Variants in COL4A6 observed in about 807,000 individuals in gnomAD.
The protein encoded by COL4A6 is collagen type IV alpha 6 chain, also known as collagen alpha-6(IV) chain.
Under a neutral mutation model 126.7 loss-of-function variants are expected in COL4A6, and 59 were observed. The ratio of observed to expected loss-of-function variants is 0.47; its 90% CI spans 0.38 to 0.58. The LOEUF is 0.58. COL4A6 is among the 20% of genes least tolerant of loss of function. The probability of loss-of-function intolerance (pLI) is 0.00; values close to 1 mark genes in which losing one functional copy is unlikely to be tolerated. For synonymous variants in COL4A6, 547 were observed against 496.6 expected (o/e 1.10, Z -1.35); for missense variants, 1,285 against 1,337.3 (o/e 0.96, Z 0.61).
chrX:108,402,189 T>A (rs1456493301), intron 2 of COL4A6, among the ~76,000 whole-genome samples: 1 of 111,489 alleles, frequency 9.0e-6, no homozygotes, highest in Non-Finnish European at 1.9e-5. Flanking sequence ...AAGACTGAGA[T>A]AATCTGTTTC....
At chrX:108,279,012 C>T (rs1411115936) in intron 3 of COL4A6, among the ~76,000 whole-genome samples, 29 of 112,012 alleles carry the variant, frequency 2.6e-4, no homozygotes, top group Middle Eastern at 4.6e-3. Context: ...CGGAAAGGAA[C>T]AACCGGTACC....
Position 108,334,625 on chromosome X carries a change from C to T in COL4A6, c.64-23797G>A, listed in dbSNP as rs760951480. ...ATTATTATAATAAATGGCTGAGTGA[C>T]CTTGGACAACTCACTTTACCTTTCT... On this transcript the variant is annotated intron_variant, in intron 2 of 44. Transcript: ENST00000334504. Among the ~76,000 whole-genome samples the T allele has an allele frequency of 9.9e-5, 11 of 111,266 alleles. No individual in the cohort carries two copies. In the South Asian group the frequency reaches 4.1e-3, roughly 42 times the overall value.
chrX:108,343,354 T>C (rs1029857904), intron 2 of COL4A6, among the ~76,000 whole-genome samples: 7 of 109,020 alleles, frequency 6.4e-5, no homozygotes, highest in Admixed American at 3.0e-4. Context: ...CCGAGATGTA[T>C]AGACAATGAT....
At chrX:108,170,939 T>G in intron 33 of COL4A6, 22 bp from the exon 34 acceptor site, 1 of 1,150,976 alleles carries the variant, frequency 8.7e-7, no homozygotes, top group Non-Finnish European at 1.2e-6. Flanking sequence ...AGAAAAATGC[T>G]GAGTGATTAG....
At chrX:108,319,104 C>A (rs1801424979) in intron 2 of COL4A6, among the ~76,000 whole-genome samples, 1 of 106,052 alleles carries the variant, frequency 9.4e-6, no homozygotes, top group Non-Finnish European at 1.9e-5. Flanking sequence ...GGTGTGGTGG[C>A]TTGTGTCTGT....
chrX:108,281,094 A>T (rs1205348746), intron 3 of COL4A6, among the ~76,000 whole-genome samples: 3 of 98,155 alleles, frequency 3.1e-5, no homozygotes, highest in Non-Finnish European at 6.2e-5. Flanking sequence ...CAAGACAGGG[A>T]TGCCCTCTCT....
chrX:108,401,264 T>C (rs2041082159), intron 2 of COL4A6, among the ~76,000 whole-genome samples: 1 of 110,767 alleles, frequency 9.0e-6, no homozygotes, highest in South Asian at 3.7e-4. Flanking sequence ...CTAAGGAAAA[T>C]AAGTAAGTAT....
At position 108,177,024 on chromosome X, in the gene COL4A6, A is replaced by G; in HGVS notation, c.2516-13T>C. On this transcript the variant is annotated splice_polypyrimidine_tract_variant and intron_variant, in intron 27 of 44. Coordinates refer to ENST00000334504, the MANE Select transcript of COL4A6 (RefSeq NM_033641.4). ...TTTCCAGGATGTCCTGAATAAGCAC[A>G]GGAGAGAACACAGGACAGCTGTCAA... The G allele has an allele frequency of 8.3e-7, 1 of 1,203,650 alleles. No homozygotes were observed. Among genetic ancestry groups the G allele is most frequent in the African/African-American group, 1.7e-5 (1 of 57,754 alleles).
intron 2 of COL4A6, among the ~76,000 whole-genome samples, chrX:108,352,706 T>C (rs968828592): frequency 8.9e-6 from 1 of 112,236 alleles, no homozygotes; most frequent in Non-Finnish European, 1.9e-5. Context: ...TAGAGAAGAC[T>C]GCAAAATAGG....
At chrX:108,238,894 A>T (rs992043973) in intron 3 of COL4A6, among the ~76,000 whole-genome samples, 2 of 112,050 alleles carry the variant, frequency 1.8e-5, no homozygotes, top group Non-Finnish European at 3.8e-5. Flanking sequence ...TCTGATAAGT[A>T]TAACTTGATA....
At position 108,178,611 on chromosome X, in the gene COL4A6, C is replaced by A. The variant is rs1360706137; in HGVS notation, c.2515+73G>T. 2.7e-5 allele frequency: 28 copies of A among 1,052,557 alleles called. No individual in the cohort carries two copies. The East Asian group carries it at 6.7e-4, about 25-fold the overall frequency. 86.7% of individuals were successfully genotyped at this position (1,052,557 alleles called of 1,213,427 possible). On this transcript the variant is annotated intron_variant, in intron 27 of 44. Transcript: ENST00000334504. Reference sequence around the variant, plus strand: ...TGACCATGTCCCACTACTGCTATTGCCCCCCCAGGGCATCTGGGCCCAGGG... The same window carrying A: ...TGACCATGTCCCACTACTGCTATTGACCCCCCAGGGCATCTGGGCCCAGGG...
intron 2 of COL4A6, among the ~76,000 whole-genome samples, chrX:108,321,283 G>T (rs762314196): frequency 8.9e-6 from 1 of 111,887 alleles, no homozygotes; most frequent in Non-Finnish European, 1.9e-5. Context: ...TTAAGTATCA[G>T]AGTGGGGATA....
At chrX:108,312,115 C>G (rs2038777343) in intron 2 of COL4A6, among the ~76,000 whole-genome samples, 1 of 112,107 alleles carries the variant, frequency 8.9e-6, no homozygotes, top group Non-Finnish European at 1.9e-5. Flanking sequence ...GATTTAGTAC[C>G]ATCCAACTTT....
intron 2 of COL4A6, among the ~76,000 whole-genome samples, chrX:108,354,554 G>A (rs2039914926): frequency 9.2e-6 from 1 of 108,993 alleles, no homozygotes; most frequent in South Asian, 4.1e-4. Flanking sequence ...GAAAAGAAAG[G>A]CTTCACAACT....
At chrX:108,239,173 T>C (rs2036513405) in intron 3 of COL4A6, among the ~76,000 whole-genome samples, 2 of 112,441 alleles carry the variant, frequency 1.8e-5, no homozygotes, top group Admixed American at 1.9e-4. Context: ...TTGTCTATAG[T>C]GTCATTCATT....
chrX:108,307,050 A>G (rs1193609401), intron 3 of COL4A6, among the ~76,000 whole-genome samples: 1 of 110,439 alleles, frequency 9.1e-6, no homozygotes, highest in African/African-American at 3.3e-5. Context: ...TCTAGTAGGG[A>G]AAAAAAGAGA....
At chrX:108,343,172 G>A (rs866523377) in intron 2 of COL4A6, among the ~76,000 whole-genome samples, 152 of 91,779 alleles carry the variant, frequency 1.7e-3, no homozygotes, top group East Asian at 5.7e-3. Context: ...TATAGTGTGT[G>A]TGTGTGTGTG....
intron 2 of COL4A6, among the ~76,000 whole-genome samples, chrX:108,339,698 A>G (rs2039513853): frequency 9.0e-6 from 1 of 111,307 alleles, no homozygotes; most frequent in African/African-American, 3.3e-5. Flanking sequence ...CACAGACTTC[A>G]GATACTTTAC....
chrX:108,390,052 T>C, intron 2 of COL4A6, among the ~76,000 whole-genome samples: 1 of 112,141 alleles, frequency 8.9e-6, no homozygotes, highest in Non-Finnish European at 1.9e-5. Context: ...TGTTGAATAT[T>C]GGCCTTCACT....
Sources: allele counts gnomAD v4.1 joint callset (sites outside exome capture counted in the v4.1 genomes callset), GRCh38; gene constraint gnomAD v4.1.1; transcripts MANE v1.5; gene names NCBI Gene and HGNC (gene_info 2026-07-23, HGNC 2026-07-21).